The following PACS1 variants were observed in gnomAD, a reference collection of about 807,000 sequenced individuals.
PACS1 encodes the protein PACS-1.
In PACS1, 24 loss-of-function variants were observed where a neutral mutation model predicts 115.0. That is an observed-to-expected ratio of 0.21 (90% CI 0.15 to 0.29). The LOEUF (loss-of-function observed/expected upper bound fraction) is 0.29, where lower values mean the gene tolerates loss of function less well. PACS1 is among the 10% of genes least tolerant of loss of function. The pLI, the probability that PACS1 is intolerant of heterozygous loss-of-function variation, is 1.00. For missense variants in PACS1, 838 were observed against 1,251.2 expected, an observed-to-expected ratio of 0.67 and a Z score of 4.98; for synonymous variants, 453 against 504.5, an observed-to-expected ratio of 0.90 and a Z score of 1.37.
chr11:66,173,282 A>G (rs1193239067), intron 1 of PACS1, among the ~76,000 whole-genome samples: 1 of 152,060 alleles, frequency 6.6e-6, no homozygotes, highest in African/African-American at 2.4e-5. Flanking sequence ...TATTTTATCT[A>G]TATATACAAT....
At chr11:66,122,200 C>T (rs1389415891) in intron 1 of PACS1, among the ~76,000 whole-genome samples, 1 of 152,112 alleles carries the variant, frequency 6.6e-6, no homozygotes, top group Admixed American at 6.5e-5. Flanking sequence ...ATAAATGGAA[C>T]AAAAAAGCCT....
intron 1 of PACS1, among the ~76,000 whole-genome samples, chr11:66,175,024 G>A (rs1030357408): frequency 3.3e-5 from 5 of 152,044 alleles, no homozygotes; most frequent in African/African-American, 4.8e-5. Flanking sequence ...GGTCGCAGAC[G>A]CCTGTAATTC....
intron 2 of PACS1, among the ~76,000 whole-genome samples, chr11:66,199,152 A>G (rs1204811382): frequency 6.6e-6 from 1 of 152,022 alleles, no homozygotes; most frequent in Non-Finnish European, 1.5e-5. Context: ...CATCTCTACT[A>G]ATAATACAAA....
chr11:66,159,649 G>A (rs1859443413), intron 1 of PACS1, among the ~76,000 whole-genome samples: 1 of 152,118 alleles, frequency 6.6e-6, no homozygotes, highest in Admixed American at 6.5e-5. Flanking sequence ...GGTAAATGTA[G>A]GATGGCAGCT....
chr11:66,207,918 G>A (rs888811103), intron 2 of PACS1, among the ~76,000 whole-genome samples: 1 of 152,034 alleles, frequency 6.6e-6, no homozygotes, highest in Non-Finnish European at 1.5e-5. Context: ...ACAAGTGCAC[G>A]CCACTATGCC....
At chr11:66,171,230 TTCTC>T (rs1859730446) in intron 1 of PACS1, among the ~76,000 whole-genome samples, 1 of 150,522 alleles carries the variant, frequency 6.6e-6, no homozygotes, top group Admixed American at 6.6e-5. Flanking sequence ...TTCCTGATGA[TTCTC>T]TCTCTAGTAA....
intron 1 of PACS1, among the ~76,000 whole-genome samples, chr11:66,086,248 C>G (rs1383003698): frequency 6.6e-6 from 1 of 151,444 alleles, no homozygotes; most frequent in East Asian, 2.0e-4. Flanking sequence ...ACGCCATTCT[C>G]CTGCCTCAGC....
At chr11:66,108,613 AAATT>A (rs1389220379) in intron 1 of PACS1, among the ~76,000 whole-genome samples, 6 of 152,064 alleles carry the variant, frequency 3.9e-5, no homozygotes, top group Non-Finnish European at 8.8e-5. Context: ...GAAAAAAAGA[AAATT>A]AACCAGACAG....
At chr11:66,078,516 C>T (rs1857430849) in intron 1 of PACS1, among the ~76,000 whole-genome samples, 2 of 152,152 alleles carry the variant, frequency 1.3e-5, no homozygotes, top group Non-Finnish European at 2.9e-5. Context: ...GTATGACTGG[C>T]ATGTTAATTG....
chr11:66,227,478 A>C (rs750221912), intron 10 of PACS1, 26 bp from the exon 11 acceptor site: 3 of 1,336,270 alleles, frequency 2.2e-6, no homozygotes, highest in Non-Finnish European at 2.2e-6. Flanking sequence ...TGGATCAGTG[A>C]TAACTAATTC....
chr11:66,169,028 T>C (rs1009675671), intron 1 of PACS1, among the ~76,000 whole-genome samples: 4 of 150,472 alleles, frequency 2.7e-5, no homozygotes, highest in Admixed American at 2.6e-4. Context: ...AGCTGGTCTT[T>C]TTTTGCTTTT....
chr11:66,185,152 C>T (rs777296853), intron 1 of PACS1, among the ~76,000 whole-genome samples: 4 of 152,040 alleles, frequency 2.6e-5, no homozygotes, highest in East Asian at 1.9e-4. Context: ...GAAAAGTAAG[C>T]GGTGAGAGCA....
At chr11:66,184,312 C>CAAA (rs11309195) in intron 1 of PACS1, among the ~76,000 whole-genome samples, 2 of 56,016 alleles carry the variant, frequency 3.6e-5, no homozygotes, top group African/African-American at 1.5e-4. Context: ...GACCCTGTCT[C>CAAA]AAAAAAAAAA....
Position 66,070,611 on chromosome 11 carries a change from C to A in PACS1, c.125C>A (p.Pro42Gln), listed in dbSNP as rs1473074536. ...PPPQQQQQQPPQQPTPPKLAQ... is the reference protein window; with the variant it reads ...PPPQQQQQQPQQQPTPPKLAQ... ...CCGCAGCAGCAGCAGCAGCAGCCGC[C>A]GCAGCAGCCGACGCCCCCCAAGCTG... is the stretch of plus-strand genomic sequence containing the variant. Residue 42 changes from proline (P) to glutamine (Q), a missense_variant, in exon 1 of 24, where the codon CCG becomes CAG. By Grantham distance (76) the Pro-to-Gln change is moderately conservative. Transcript: ENST00000320580. This position sits in a 1 kb window ranked among gnomAD's most constrained non-coding sequence, Gnocchi z 5.9. The A allele has an allele frequency of 2.0e-6, 3 of 1,530,186 alleles. No individual in the cohort carries two copies. The highest frequency in any genetic ancestry group is 1.9e-5 in the Admixed American group (1 of 52,248). 94.8% of individuals were successfully genotyped at this position (1,530,186 alleles called of 1,614,324 possible).
At chr11:66,081,574 A>C (rs1221250248) in intron 1 of PACS1, among the ~76,000 whole-genome samples, 1 of 152,212 alleles carries the variant, frequency 6.6e-6, no homozygotes, top group Non-Finnish European at 1.5e-5. Flanking sequence ...TTATTAGACT[A>C]CAAAGTCAAA....
chr11:66,098,261 G>C (rs983738494), intron 1 of PACS1, among the ~76,000 whole-genome samples: 1 of 151,960 alleles, frequency 6.6e-6, no homozygotes, highest in Non-Finnish European at 1.5e-5. Flanking sequence ...TATATATGAC[G>C]GGTTAAGTTC....
chr11:66,125,761 C>G (rs113018139), intron 1 of PACS1, among the ~76,000 whole-genome samples: 6 of 152,060 alleles, frequency 3.9e-5, no homozygotes, highest in Non-Finnish European at 7.4e-5. Flanking sequence ...CTGGGCAGGC[C>G]GGGCATGGTG....
chr11:66,070,474 G>T lies in PACS1; in HGVS notation c.-13G>T. On this transcript the variant is annotated 5_prime_UTR_variant, in exon 1 of 24. Coordinates refer to ENST00000320580, the MANE Select transcript of PACS1 (RefSeq NM_018026.4). This position sits in a 1 kb window ranked among gnomAD's most constrained non-coding sequence, Gnocchi z 5.9. ...CGTCGCCTCGGCCTCCGTAACCCCC[G>T]CCTAGCCGGGCCATGGCGGAACGCG... The T allele has an allele frequency of 7.9e-7, 1 of 1,260,188 alleles. No individual in the cohort carries two copies. Among genetic ancestry groups the T allele is most frequent in the Non-Finnish European group, 9.9e-7 (1 of 1,005,894 alleles). 78.1% of individuals were successfully genotyped at this position (1,260,188 alleles called of 1,614,324 possible). A position where few individuals can be genotyped will look rare whatever the true frequency, so the allele number is the denominator to read the frequency against.
chr11:66,102,689 T>C (rs1399473946), intron 1 of PACS1, among the ~76,000 whole-genome samples: 1 of 152,130 alleles, frequency 6.6e-6, no homozygotes, highest in Non-Finnish European at 1.5e-5. Context: ...TAATGTCATC[T>C]TTTTAGGAAT....
Sources: gnomAD v4.1 joint callset for allele counts (sites outside exome capture counted in the v4.1 genomes callset) on GRCh38, gnomAD v4.1.1 for gene constraint, Gnocchi (gnomAD v3.1) non-coding constraint, MANE v1.5 for transcripts, NCBI Gene and HGNC (gene_info 2026-07-23, HGNC 2026-07-21) for gene names.